ZBTB20: variants seen among roughly 807,000 people sequenced by gnomAD.
The protein encoded by ZBTB20 is zinc finger and BTB domain containing 20, also known as zinc finger and BTB domain-containing protein 20.
ZBTB20 carries 9 observed loss-of-function variants against 56.9 expected under a neutral mutation model. That is an observed-to-expected ratio of 0.16 (90% CI 0.10 to 0.28). ZBTB20 has a LOEUF of 0.28. Among genes scored for constraint, ZBTB20 ranks in the 10% least tolerant of loss-of-function variants. The probability of loss-of-function intolerance (pLI) is 1.00; values close to 1 mark genes in which losing one functional copy is unlikely to be tolerated. For missense variants in ZBTB20, 655 were observed against 1,003.0 expected (o/e 0.65, Z 4.69); for synonymous variants, 417 against 420.7 (o/e 0.99, Z 0.11).
intron 6 of ZBTB20, among the ~76,000 whole-genome samples, chr3:114,634,339 CAAGAAGGCTGAAGCCTA>C (rs2059136952): frequency 6.6e-6 from 1 of 152,144 alleles, no homozygotes; most frequent in South Asian, 2.1e-4. Context: ...CTAACCTAAT[CAAGAAGGCTGAAGCCTA>C]AAGTAACAAG....
At chr3:114,432,820 G>A (rs1181990751) in intron 7 of ZBTB20, among the ~76,000 whole-genome samples, 2 of 152,170 alleles carry the variant, frequency 1.3e-5, no homozygotes, top group African/African-American at 4.8e-5. Context: ...AATCAGGTCG[G>A]AGAGTAATGG....
rs1477189624 is a variant in ZBTB20 at position 114,713,899 on chromosome 3, T to C, written c.-342-20324A>G. The C allele has an allele frequency of 3.3e-5, 5 of 152,738 alleles. No individual in the cohort carries two copies. The South Asian group carries it at 1.0e-3, about 32-fold the overall frequency. The allele number at this position is 152,738 out of a possible 1,614,324, so 9.5% of individuals were successfully genotyped here. A position where few individuals can be genotyped will look rare whatever the true frequency, so the allele number is the denominator to read the frequency against. On this transcript the variant is annotated intron_variant, in intron 5 of 11. Coordinates refer to ENST00000675478, the MANE Select transcript of ZBTB20 (RefSeq NM_001348800.3). ...AAAAAGATCAACAGTTACCTACATT[T>C]GTAATATTTATGCCTCCCAGGCTCA...
At chr3:114,949,291 T>A (rs1240837971) in intron 3 of ZBTB20, among the ~76,000 whole-genome samples, 1 of 146,390 alleles carries the variant, frequency 6.8e-6, no homozygotes, top group African/African-American at 2.8e-5. Context: ...AATGCAGACC[T>A]ACATTTTAAT....
At chr3:114,883,908 G>T (rs1377245796) in intron 4 of ZBTB20, among the ~76,000 whole-genome samples, 2 of 111,648 alleles carry the variant, frequency 1.8e-5, no homozygotes, top group African/African-American at 6.1e-5. Context: ...TGGTAAGAAT[G>T]GTGTGTTCTT....
intron 10 of ZBTB20, among the ~76,000 whole-genome samples, chr3:114,376,879 A>G (rs1419416538): frequency 6.6e-6 from 1 of 152,214 alleles, no homozygotes; most frequent in African/African-American, 2.4e-5. Context: ...GAGGACGGCC[A>G]CAGGGAGGAA....
At chr3:114,579,782 T>C (rs1278962608) in intron 6 of ZBTB20, among the ~76,000 whole-genome samples, 1 of 151,434 alleles carries the variant, frequency 6.6e-6, no homozygotes, top group Non-Finnish European at 1.5e-5. Context: ...ATAAATAACT[T>C]TGTACAAATA....
intron 1 of ZBTB20, among the ~76,000 whole-genome samples, chr3:115,099,493 G>A (rs999878463): frequency 6.6e-6 from 1 of 152,138 alleles, no homozygotes; most frequent in African/African-American, 2.4e-5. Context: ...TACCTTATTT[G>A]TTTAAAAATA....
chr3:114,634,890 C>T (rs532812008), intron 6 of ZBTB20, among the ~76,000 whole-genome samples: 2 of 152,274 alleles, frequency 1.3e-5, no homozygotes, highest in African/African-American at 4.8e-5. Context: ...TACTGACGCA[C>T]CTGTAGAACT....
At chr3:114,372,407 C>A (rs1034218017) in intron 10 of ZBTB20, among the ~76,000 whole-genome samples, 1 of 152,080 alleles carries the variant, frequency 6.6e-6, no homozygotes. Context: ...CCAGACTTGC[C>A]AAGGGACCTG....
intron 6 of ZBTB20, among the ~76,000 whole-genome samples, chr3:114,637,886 C>A (rs145349329): frequency 6.6e-6 from 1 of 152,086 alleles, no homozygotes; most frequent in East Asian, 1.9e-4. Flanking sequence ...TTATGTTCTG[C>A]TTCTTCCATA....
intron 5 of ZBTB20, among the ~76,000 whole-genome samples, chr3:114,741,580 C>A (rs747915405): frequency 6.6e-6 from 1 of 151,986 alleles, no homozygotes; most frequent in African/African-American, 2.4e-5. Flanking sequence ...GGCTTCTCTA[C>A]GACATACAGA....
chr3:115,054,948 T>C (rs1470366240), intron 2 of ZBTB20, among the ~76,000 whole-genome samples: 1 of 152,090 alleles, frequency 6.6e-6, no homozygotes, highest in Admixed American at 6.6e-5. Flanking sequence ...CTAATCCATG[T>C]AGAAGGTCTT....
intron 7 of ZBTB20, among the ~76,000 whole-genome samples, chr3:114,401,141 C>T (rs144415567): frequency 1.1e-4 from 16 of 143,224 alleles, no homozygotes; most frequent in Non-Finnish European, 1.7e-4. Context: ...CTTCACAGCA[C>T]AGTGAGACAG....
At chr3:114,438,158 T>G (rs943547855) in intron 7 of ZBTB20, among the ~76,000 whole-genome samples, 1 of 151,994 alleles carries the variant, frequency 6.6e-6, no homozygotes, top group Non-Finnish European at 1.5e-5. Context: ...ACAGAACACA[T>G]AGCTAGCAGT....
At chr3:115,087,502 T>C (rs964794949) in intron 1 of ZBTB20, among the ~76,000 whole-genome samples, 2 of 151,926 alleles carry the variant, frequency 1.3e-5, no homozygotes, top group Non-Finnish European at 2.9e-5. Context: ...AATACTTTTT[T>C]AGATGTTAAA....
intron 7 of ZBTB20, among the ~76,000 whole-genome samples, chr3:114,457,717 T>C (rs978352674): frequency 6.6e-6 from 1 of 152,142 alleles, no homozygotes; most frequent in Non-Finnish European, 1.5e-5. Flanking sequence ...ATCCTATGAA[T>C]GAGGTACTAC....
chr3:114,427,632 C>T (rs1009677323), intron 7 of ZBTB20, among the ~76,000 whole-genome samples: 2 of 152,080 alleles, frequency 1.3e-5, no homozygotes, highest in African/African-American at 4.8e-5. Flanking sequence ...AAGACTTGCC[C>T]ACCCCCAAGT....
chr3:114,930,760 C>A, intron 3 of ZBTB20: 1 of 268,138 alleles, frequency 3.7e-6, no homozygotes, highest in Non-Finnish European at 7.7e-6. Context: ...TGCAGTTGTA[C>A]AGCAGAATAC....
chr3:115,107,441 A>C (rs1340864745), intron 1 of ZBTB20, among the ~76,000 whole-genome samples: 1 of 152,060 alleles, frequency 6.6e-6, no homozygotes, highest in East Asian at 1.9e-4. Context: ...AAAGTTTGTT[A>C]AAAAAAGTAT....
Sources: allele counts gnomAD v4.1 joint callset (sites outside exome capture counted in the v4.1 genomes callset), GRCh38; gene constraint gnomAD v4.1.1; transcripts MANE v1.5; gene names NCBI Gene and HGNC (gene_info 2026-07-23, HGNC 2026-07-21).